LUC7L3: variants seen among roughly 807,000 people sequenced by gnomAD.
LUC7L3 encodes the protein luc7-like protein 3.
Under a neutral mutation model 66.8 loss-of-function variants are expected in LUC7L3, and 6 were observed. The observed-to-expected ratio is 0.09, with a 90% CI of 0.05 to 0.18. LUC7L3 has a LOEUF of 0.18. LUC7L3 is among the 10% of genes least tolerant of loss of function. LUC7L3 has a pLI of 1.00. For synonymous variants in LUC7L3, 160 were observed against 174.7 expected, an observed-to-expected ratio of 0.92 and a Z score of 0.66; for missense variants, 341 against 531.1, an observed-to-expected ratio of 0.64 and a Z score of 3.52.
At chr17:50,736,350 T>C (rs984356735) in intron 1 of LUC7L3, among the ~76,000 whole-genome samples, 1 of 152,222 alleles carries the variant, frequency 6.6e-6, no homozygotes, top group African/African-American at 2.4e-5. Flanking sequence ...TTCCCCATAC[T>C]GTGGGAACCC....
chr17:50,722,676 A>T (rs1968867566), intron 1 of LUC7L3: 1 of 152,228 alleles, frequency 6.6e-6, no homozygotes, highest in Non-Finnish European at 1.5e-5. Flanking sequence ...AGCAAGCAGC[A>T]CTTGCGAAGC....
At chr17:50,724,006 T>TA in intron 1 of LUC7L3, 2 of 454,266 alleles carry the variant, frequency 4.4e-6, no homozygotes. Context: ...GTCCATGTGT[T>TA]ATATGTGTAT....
Position 50,744,801 on chromosome 17 carries a change from A to G in LUC7L3, c.681A>G (p.Val227=). ...HMGYAKIKAT[V]EELKEKLRKR... is the part of the protein sequence containing the mutation. ...GCTATGCCAAAATTAAAGCTACTGT[A>G]GAAGAATTAAAAGTAAGTTTTTTTG... is the stretch of plus-strand genomic sequence containing the variant. Residue 227 remains valine, a synonymous_variant, in exon 7 of 10, where the codon GTA becomes GTG. Coordinates refer to ENST00000505658, the MANE Select transcript of LUC7L3 (RefSeq NM_016424.5). 1 of 1,609,326 alleles carries G rather than the reference A, an allele frequency of 6.2e-7. No individual in the cohort carries two copies. Among genetic ancestry groups the G allele is most frequent in the Non-Finnish European group, 8.5e-7 (1 of 1,178,818 alleles).
chr17:50,749,548 C>G (rs908457063), intron 9 of LUC7L3, among the ~76,000 whole-genome samples: 1 of 152,170 alleles, frequency 6.6e-6, no homozygotes, highest in African/African-American at 2.4e-5. Flanking sequence ...CATCTCTTTC[C>G]TAGATATTTG....
At chr17:50,742,264 C>T (rs1970395317) in intron 5 of LUC7L3, among the ~76,000 whole-genome samples, 1 of 152,206 alleles carries the variant, frequency 6.6e-6, no homozygotes, top group African/African-American at 2.4e-5. Flanking sequence ...TGTGAGCCAG[C>T]TGGAACTGGG....
At chr17:50,745,181 C>T (rs768107349) in intron 7 of LUC7L3, among the ~76,000 whole-genome samples, 4 of 151,896 alleles carry the variant, frequency 2.6e-5, no homozygotes, top group East Asian at 1.9e-4. Context: ...TTAATAGAGA[C>T]GGGGTTTTTT....
chr17:50,720,016 TTTG>T (rs1252663711), intron 1 of LUC7L3, among the ~76,000 whole-genome samples, 185 bp downstream of exon 1: 1 of 152,112 alleles, frequency 6.6e-6, no homozygotes, highest in Non-Finnish European at 1.5e-5. Context: ...GTGATTTGGT[TTTG>T]TTGTTCTAGT....
In LUC7L3 at chr17:50,745,731, G is replaced by GA. The variant is rs779375397; in HGVS notation, c.709dup (p.Arg237LysfsTer6). ...CTTGATTTTTCTAGGAAAAGTTAAG[G>GA]AAAAGAACCGAAGAACCTGATCGTG... On this transcript the variant is annotated frameshift_variant, in exon 8 of 10. Coordinates refer to ENST00000505658, the MANE Select transcript of LUC7L3 (RefSeq NM_016424.5). LOFTEE classifies it high-confidence loss of function. 1 of 1,572,996 alleles carries GA rather than the reference G, an allele frequency of 6.4e-7. No homozygotes were observed. The highest frequency in any genetic ancestry group is 8.6e-7 in the Non-Finnish European group (1 of 1,168,994).
rs1970635668 is a variant in LUC7L3, at chr17:50,745,800, A to G, written c.774A>G (p.Glu258=). The part of the protein sequence containing the change: ...KKEKQEREER[E]KEREREREER... ...AGAAGCAAGAAAGAGAAGAAAGAGA[A>G]AAAGAACGGGAGAGAGAAAGGGAAG... Residue 258 remains glutamate (E), a synonymous_variant, in exon 8 of 10, where the codon GAA becomes GAG. Transcript: ENST00000505658. 2 of 1,596,640 alleles carry G rather than the reference A, an allele frequency of 1.3e-6. No homozygotes were observed. Among genetic ancestry groups the G allele is most frequent in the African/African-American group, 1.3e-5 (1 of 74,168 alleles).
At position 50,719,673 on chromosome 17, in the gene LUC7L3, G is replaced by T; in HGVS notation, c.-60G>T. 2.1e-6 allele frequency: 3 copies of T among 1,400,458 alleles called. No individual in the cohort carries two copies. The highest frequency in any genetic ancestry group is 2.4e-5 in the South Asian group (2 of 83,012). The allele number at this position is 1,400,458 out of a possible 1,614,324, so 86.8% of individuals were successfully genotyped here. ...GGCCGAGGAGATTGGCGACGGTGTC[G>T]CCCGTGTTTTCGTTGGCGGGTGCCT... On this transcript the variant is annotated 5_prime_UTR_variant, in exon 1 of 10. Transcript: ENST00000505658.
Position 50,745,831 on chromosome 17 carries a change from G to C in LUC7L3, c.805G>C (p.Glu269Gln). The C allele has an allele frequency of 6.3e-7, 1 of 1,586,644 alleles. No homozygotes were observed. Reference sequence around the variant, plus strand: ...ACGGGAGAGAGAAAGGGAAGAAAGAGAAAGGAAAAGACGAAGGGAAGAGGA... The same window carrying C: ...ACGGGAGAGAGAAAGGGAAGAAAGACAAAGGAAAAGACGAAGGGAAGAGGA... ...KEREREREER[E>Q]RKRRREEEER... Residue 269 changes from glutamate (E) to glutamine (Q), a missense_variant, in exon 8 of 10, where the codon GAA becomes CAA. Glu to Gln is a conservative substitution (Grantham distance 29, BLOSUM62 2). Transcript: ENST00000505658.
At chr17:50,731,533 C>T (rs1232701928) in intron 1 of LUC7L3, among the ~76,000 whole-genome samples, 1 of 152,158 alleles carries the variant, frequency 6.6e-6, no homozygotes. Flanking sequence ...ATGTTCTTCC[C>T]ATTTTTTCGG....
In LUC7L3 at chr17:50,753,463, T is replaced by A. The variant is rs1221799185; in HGVS notation, c.*2802T>A. ...TACTAAAATCTCTTCCACCAAACTT[T>A]GAAAAATAATGAAGCCGCCCCCACT... On this transcript the variant is annotated 3_prime_UTR_variant, in exon 10 of 10. Transcript: ENST00000505658. 6.6e-6 allele frequency: 1 copy of A among 152,326 alleles called. No homozygotes were observed. The highest frequency in any genetic ancestry group is 2.4e-5 in the African/African-American group (1 of 41,414). The allele number at this position is 152,326 out of a possible 1,614,324, so 9.4% of individuals were successfully genotyped here. A position where few individuals can be genotyped will look rare whatever the true frequency, so the allele number is the denominator to read the frequency against.
intron 1 of LUC7L3, among the ~76,000 whole-genome samples, chr17:50,729,972 G>A (rs1268883194): frequency 4.3e-5 from 6 of 138,710 alleles, no homozygotes; most frequent in Non-Finnish European, 1.6e-5. Context: ...TGGGGAGGTG[G>A]GGACAGTGTC....
Position 50,730,316 on chromosome 17 carries a change from G to A in LUC7L3, c.100-6644G>A, listed in dbSNP as rs1484935797. Among the ~76,000 whole-genome samples the A allele has an allele frequency of 2.6e-5, 4 of 151,560 alleles. No homozygotes were observed. The East Asian group carries it at 7.7e-4, about 29-fold the overall frequency. ...AGTTTAACGAAAATAGTGCAGACAG[G>A]CCAGGAGTTCGAGATCAACCATGGT... On this transcript the variant is annotated intron_variant, in intron 1 of 9. Coordinates refer to ENST00000505658, the MANE Select transcript of LUC7L3 (RefSeq NM_016424.5).
At position 50,719,739 on chromosome 17, in the gene LUC7L3, T is replaced by G; in HGVS notation, c.7T>G (p.Ser3Ala). 1 of 1,611,684 alleles carries G rather than the reference T, an allele frequency of 6.2e-7. No individual in the cohort carries two copies. Among genetic ancestry groups the G allele is most frequent in the Non-Finnish European group, 8.5e-7 (1 of 1,179,008 alleles). ...GCCGCCCGAAGGAAGCACCATGATT[T>G]CGGCCGCGCAGTTGTTGGATGAGTT... Reference protein sequence around the residue: MISAAQLLDELMG... With the variant: MIAAAQLLDELMG... The change falls in exon 1 of 10, where the codon TCG (serine) becomes GCG (alanine). Residue 3 changes from serine to alanine, a missense_variant. Coordinates refer to ENST00000505658, the MANE Select transcript of LUC7L3 (RefSeq NM_016424.5).
chr17:50,729,890 AATACATTATATATAT>A (rs1302780523), intron 1 of LUC7L3, among the ~76,000 whole-genome samples: 2 of 119,768 alleles, frequency 1.7e-5, no homozygotes, highest in Non-Finnish European at 3.6e-5. Context: ...ATTGAATATA[AATACATTATATATAT>A]ATATATATAT....
chr17:50,737,110 T>G (rs562626810), intron 2 of LUC7L3, 84 bp downstream of exon 2: 3 of 928,880 alleles, frequency 3.2e-6, no homozygotes, highest in African/African-American at 1.7e-5. Context: ...AAAAACTGAT[T>G]ATAATTCTGT....
chr17:50,719,838 C>G lies in LUC7L3; in HGVS notation c.99+7C>G, dbSNP rs762156104. ...GCGGTGGGACCACGAGAGCGTAAGT[C>G]CCGCGGGCCTTGGCCTGAGCCCGGG... On this transcript the variant is annotated splice_region_variant and intron_variant, in intron 1 of 9. Transcript: ENST00000505658. 2.1e-6 allele frequency: 3 copies of G among 1,457,102 alleles called. No homozygotes were observed. Among genetic ancestry groups the G allele is most frequent in the Non-Finnish European group, 2.7e-6 (3 of 1,110,158 alleles). 90.3% of individuals were successfully genotyped at this position (1,457,102 alleles called of 1,614,324 possible).
Sources: gnomAD v4.1 joint callset for allele counts (sites outside exome capture counted in the v4.1 genomes callset) on GRCh38, gnomAD v4.1.1 for gene constraint, MANE v1.5 for transcripts, NCBI Gene and HGNC (gene_info 2026-07-23, HGNC 2026-07-21) for gene names.